Variants in TCF12 observed in about 807,000 individuals in gnomAD.
TCF12 encodes the protein DNA-binding protein HTF4.
Under a neutral mutation model 86.0 loss-of-function variants are expected in TCF12, and 45 were observed. The ratio of observed to expected loss-of-function variants is 0.52; its 90% confidence interval spans 0.41 to 0.67. The LOEUF (loss-of-function observed/expected upper bound fraction) is 0.67, where lower values mean the gene tolerates loss of function less well. Among genes scored for constraint, TCF12 ranks in the 30% least tolerant of loss-of-function variants. The pLI, the probability that TCF12 is intolerant of heterozygous loss-of-function variation, is 0.00. For synonymous variants in TCF12, 330 were observed against 299.6 expected, an observed-to-expected ratio of 1.10 and a Z score of -1.05; for missense variants, 881 against 859.9, an observed-to-expected ratio of 1.02 and a Z score of -0.31.
intron 6 of TCF12, among the ~76,000 whole-genome samples, chr15:57,170,753 T>G (rs1248443050): frequency 3.5e-5 from 1 of 28,608 alleles, no homozygotes; most frequent in Non-Finnish European, 5.9e-5. Context: ...TATTATATAT[T>G]ATATATTATA....
chr15:57,026,473 A>C (rs1455626813), intron 3 of TCF12, among the ~76,000 whole-genome samples: 1 of 152,216 alleles, frequency 6.6e-6, no homozygotes, highest in African/African-American at 2.4e-5. Context: ...AGAGAGGACC[A>C]GAGGAATCCT....
Position 56,919,948 on chromosome 15 carries a change from G to A in TCF12, c.35G>A (p.Gly12Glu). ...NPQQQRMAAI[G>E]TDKELSDLLD... Reference sequence around the variant, plus strand: ...CAGCAACAACGCATGGCCGCTATAGGGACCGACAAGGAGCTGAGCGACCTA... The same window carrying A: ...CAGCAACAACGCATGGCCGCTATAGAGACCGACAAGGAGCTGAGCGACCTA... Residue 12 changes from glycine (G) to glutamate (E), a missense_variant, in exon 2 of 21, where the codon GGG (glycine) becomes GAG (glutamate). This residue lies in a region of TCF12 where 766 missense variants were observed against 718.9 expected (regional missense o/e 1.07). Transcript: ENST00000333725. 6.2e-7 allele frequency: 1 copy of A among 1,614,096 alleles called. No individual in the cohort carries two copies. Among genetic ancestry groups the A allele is most frequent in the Non-Finnish European group, 8.5e-7 (1 of 1,179,996 alleles).
rs2059177297 is a variant in TCF12 at position 57,232,419 on chromosome 15, C to A, written c.814C>A (p.His272Asn). The change falls in exon 10 of 21, where the codon CAT (histidine) becomes AAT (asparagine). Residue 272 changes from histidine to asparagine, a missense_variant. His to Asn is a moderately conservative substitution (Grantham distance 68). Around this residue, in one of 3 missense-constraint regions of TCF12, gnomAD observed 766 missense variants for 718.9 expected, o/e 1.07. Coordinates refer to ENST00000333725, the MANE Select transcript of TCF12 (RefSeq NM_207037.2). ...CAGTAGTTATGGCAACCTTCATTCA[C>A]ATGACCGCTTGGTAGGCTATAACAC... Reference protein sequence around the residue: ...QSSSYGNLHSHDRLSYPPHSV... With the variant: ...QSSSYGNLHSNDRLSYPPHSV... 6.2e-7 allele frequency: 1 copy of A among 1,607,074 alleles called. No individual in the cohort carries two copies. The highest frequency in any genetic ancestry group is 8.5e-7 in the Non-Finnish European group (1 of 1,177,984).
intron 3 of TCF12, among the ~76,000 whole-genome samples, chr15:56,926,361 A>T (rs1375172905): frequency 1.3e-5 from 2 of 152,160 alleles, no homozygotes. Flanking sequence ...GGGAAGTAAA[A>T]TACTGAGGTA....
At position 57,116,405 on chromosome 15, in the gene TCF12, G is replaced by C. The variant is rs1045055765; in HGVS notation, c.325+24514G>C. ...GTTCTGGCTCTGCTGAAGAGCAGTG[G>C]CATGGTCTTGGCTCATTGCAACCTC... On this transcript the variant is annotated intron_variant, in intron 5 of 20. Transcript: ENST00000333725. 3.3e-5 allele frequency among the ~76,000 whole-genome samples: 5 copies of C among 151,816 alleles called. 1 individual carries two copies. The South Asian group carries it at 1.0e-3, about 32-fold the overall frequency.
At chr15:57,222,883 C>T (rs769166629) in intron 8 of TCF12, among the ~76,000 whole-genome samples, 21 of 142,896 alleles carry the variant, frequency 1.5e-4, no homozygotes, top group Non-Finnish European at 2.9e-4. Context: ...ACAGAGTATT[C>T]CAGGTATAAA....
Position 56,933,492 on chromosome 15 carries a change from A to AG in TCF12, c.148+12396dup, listed in dbSNP as rs546343397. Among the ~76,000 whole-genome samples the AG allele has an allele frequency of 3.3e-3, 500 of 152,240 alleles. 3 individuals carry two copies. The highest frequency in any genetic ancestry group is 0.03 in the South Asian group (143 of 4,814). The stretch of plus-strand genomic sequence containing the variant: ...AGATACATTGTGGTATATTTGAAAG[A>AG]GGAGCAGTTTGGAGATTCGAAGTCT... On this transcript the variant is annotated intron_variant, in intron 3 of 20. Transcript: ENST00000333725.
chr15:56,985,945 A>G (rs1239441337), intron 3 of TCF12, among the ~76,000 whole-genome samples: 1 of 152,122 alleles, frequency 6.6e-6, no homozygotes, highest in Non-Finnish European at 1.5e-5. Context: ...ATCAATTTAA[A>G]CTGTGTTTTG....
chr15:57,178,289 T>C (rs889307870), intron 6 of TCF12, among the ~76,000 whole-genome samples: 6 of 152,218 alleles, frequency 3.9e-5, no homozygotes, highest in Non-Finnish European at 8.8e-5. Context: ...TTGTGTATTA[T>C]GAAATGTTCT....
intron 8 of TCF12, among the ~76,000 whole-genome samples, chr15:57,203,403 T>C (rs2151773877): frequency 6.6e-6 from 1 of 152,324 alleles, no homozygotes; most frequent in Admixed American, 6.5e-5. Context: ...TTTTCTTTTA[T>C]GTGCTGCAGT....
intron 19 of TCF12, among the ~76,000 whole-genome samples, chr15:57,279,674 C>T (rs766686942): frequency 6.6e-6 from 1 of 152,068 alleles, no homozygotes; most frequent in Non-Finnish European, 1.5e-5. Context: ...CTGATCCTTC[C>T]AAGCATTTCT....
At chr15:57,267,434 C>G (rs1317972304) in intron 18 of TCF12, among the ~76,000 whole-genome samples, 1 of 152,204 alleles carries the variant, frequency 6.6e-6, no homozygotes, top group Non-Finnish European at 1.5e-5. Flanking sequence ...CATCTTAACT[C>G]TTACATAGTT....
intron 3 of TCF12, among the ~76,000 whole-genome samples, chr15:57,022,769 G>A (rs949791447): frequency 3.9e-5 from 6 of 152,166 alleles, no homozygotes; most frequent in Non-Finnish European, 5.9e-5. Context: ...TCTAATTGGC[G>A]TGAGATGGTA....
chr15:57,179,261 C>T (rs1272242079), intron 6 of TCF12, among the ~76,000 whole-genome samples: 3 of 151,946 alleles, frequency 2.0e-5, no homozygotes, highest in Non-Finnish European at 2.9e-5. Context: ...CTGAGGCAGG[C>T]GGATCAAGAG....
intron 3 of TCF12, among the ~76,000 whole-genome samples, chr15:56,951,631 A>G (rs1377602603): frequency 2.6e-5 from 4 of 152,028 alleles, no homozygotes; most frequent in East Asian, 3.9e-4. Context: ...TTGGTCACAA[A>G]TGTTTTTTCT....
At chr15:57,030,435 A>G (rs569611709) in intron 3 of TCF12, among the ~76,000 whole-genome samples, 39 of 152,218 alleles carry the variant, frequency 2.6e-4, no homozygotes, top group South Asian at 1.7e-3. Flanking sequence ...TTTTTTGTAG[A>G]AAATGGGATC....
chr15:57,037,246 C>G (rs1469389671), intron 3 of TCF12, among the ~76,000 whole-genome samples: 1 of 151,974 alleles, frequency 6.6e-6, no homozygotes, highest in Non-Finnish European at 1.5e-5. Flanking sequence ...GTCAGGAGTT[C>G]GAGATTAGCC....
chr15:57,098,980 C>G (rs1187329964), intron 5 of TCF12, among the ~76,000 whole-genome samples: 9 of 152,130 alleles, frequency 5.9e-5, no homozygotes, highest in Non-Finnish European at 1.3e-4. Flanking sequence ...TCTGGTCTCT[C>G]CTTCTCTAGC....
intron 3 of TCF12, among the ~76,000 whole-genome samples, chr15:57,002,679 G>A (rs1284452360): frequency 6.6e-6 from 1 of 152,170 alleles, no homozygotes; most frequent in Non-Finnish European, 1.5e-5. Context: ...GTTTCTAAAA[G>A]CTTTCCTTTT....
Sources: allele counts gnomAD v4.1 joint callset (sites outside exome capture counted in the v4.1 genomes callset), GRCh38; gene constraint gnomAD v4.1.1; regional missense constraint gnomAD v4.1.1; transcripts MANE v1.5; gene names NCBI Gene and HGNC (gene_info 2026-07-23, HGNC 2026-07-21).